TSNAX: variants seen among roughly 807,000 people sequenced by gnomAD.
TSNAX encodes translin-associated protein X.
TSNAX carries 12 observed loss-of-function variants against 33.0 expected under a neutral mutation model. The ratio of observed to expected loss-of-function variants is 0.36; its 90% confidence interval spans 0.23 to 0.59. TSNAX has a LOEUF of 0.59. Ranked by LOEUF, TSNAX falls within the 20% of genes least tolerant of loss-of-function variation. The pLI, the probability that TSNAX is intolerant of heterozygous loss-of-function variation, is 0.74. For synonymous variants in TSNAX, 110 were observed against 117.2 expected, an observed-to-expected ratio of 0.94 and a Z score of 0.40; for missense variants, 267 against 341.3, an observed-to-expected ratio of 0.78 and a Z score of 1.72.
At chr1:231,554,980 A>G (rs752654998) in intron 4 of TSNAX, among the ~76,000 whole-genome samples, 3 of 152,236 alleles carry the variant, frequency 2.0e-5, no homozygotes, top group Admixed American at 6.5e-5. Context: ...TTCCAGATCC[A>G]TACTCTTAAC....
intron 4 of TSNAX, among the ~76,000 whole-genome samples, chr1:231,556,742 G>A (rs1660721619): frequency 6.6e-6 from 1 of 152,140 alleles, no homozygotes; most frequent in South Asian, 2.1e-4. Context: ...AGTTGTGTTT[G>A]ATTCTGACCA....
At chr1:231,529,946 G>A (rs1216606034) in intron 2 of TSNAX, among the ~76,000 whole-genome samples, 2 of 152,206 alleles carry the variant, frequency 1.3e-5, no homozygotes, top group Non-Finnish European at 2.9e-5. Context: ...TAAGGAATCT[G>A]GGAAGGGCTT....
intron 2 of TSNAX, chr1:231,536,183 A>C (rs1659158923): frequency 6.6e-6 from 1 of 152,222 alleles, no homozygotes; most frequent in Non-Finnish European, 1.5e-5. Context: ...TTTATGATCT[A>C]GTTCTCTAGT....
intron 3 of TSNAX, among the ~76,000 whole-genome samples, chr1:231,540,937 TG>T (rs1377013752): frequency 6.6e-6 from 1 of 152,246 alleles, no homozygotes; most frequent in Non-Finnish European, 1.5e-5. Context: ...CTGTTTCGTT[TG>T]ATTGTTATTA....
In TSNAX at chr1:231,565,803, G is replaced by C. The variant is rs1470147911; in HGVS notation, c.*898G>C. ...AAATTCGCATTCTGGCTGATTTTAA[G>C]CCATTTAAAATTTATATAAAACAAC... On this transcript the variant is annotated 3_prime_UTR_variant, in exon 6 of 6. Coordinates refer to ENST00000366639, the MANE Select transcript of TSNAX (RefSeq NM_005999.3). The C allele has an allele frequency of 1.3e-5, 2 of 152,068 alleles. No individual in the cohort carries two copies. The highest frequency in any genetic ancestry group is 2.9e-5 in the Non-Finnish European group (2 of 68,008). The allele number at this position is 152,068 out of a possible 1,614,324, so 9.4% of individuals were successfully genotyped here. A position where few individuals can be genotyped will look rare whatever the true frequency, so the allele number is the denominator to read the frequency against.
At position 231,565,423 on chromosome 1, in the gene TSNAX, T is replaced by C. The variant is rs1487326977; in HGVS notation, c.*518T>C. ...ATTAAAAATGAATAAGCTATCAATA[T>C]ATAATTTAAGTACAAGTTTAGGCTG... is the stretch of plus-strand genomic sequence containing the variant. On this transcript the variant is annotated 3_prime_UTR_variant, in exon 6 of 6. Coordinates refer to ENST00000366639, the MANE Select transcript of TSNAX (RefSeq NM_005999.3). The C allele has an allele frequency of 6.5e-6, 1 of 152,766 alleles. No individual in the cohort carries two copies. Among genetic ancestry groups the C allele is most frequent in the Non-Finnish European group, 1.5e-5 (1 of 68,510 alleles). The allele number at this position is 152,766 out of a possible 1,614,324, so 9.5% of individuals were successfully genotyped here.
intron 4 of TSNAX, among the ~76,000 whole-genome samples, chr1:231,551,232 G>C (rs1660272596): frequency 6.6e-6 from 1 of 152,264 alleles, no homozygotes; most frequent in East Asian, 1.9e-4. Flanking sequence ...TTTGGTATTA[G>C]GAAAGTCAGT....
chr1:231,529,596 A>G (rs564575722), intron 2 of TSNAX, among the ~76,000 whole-genome samples: 1 of 151,804 alleles, frequency 6.6e-6, no homozygotes, highest in East Asian at 1.9e-4. Context: ...GTAAACATTA[A>G]TTAATATTTG....
At chr1:231,543,036 G>A (rs1241753522) in intron 4 of TSNAX, among the ~76,000 whole-genome samples, 2 of 151,974 alleles carry the variant, frequency 1.3e-5, no homozygotes, top group Admixed American at 6.6e-5. Flanking sequence ...AACTTAGCCA[G>A]GTGCGTTGGC....
intron 3 of TSNAX, among the ~76,000 whole-genome samples, chr1:231,538,008 T>C (rs566225324): frequency 1.3e-5 from 2 of 152,350 alleles, no homozygotes; most frequent in Non-Finnish European, 2.9e-5. Context: ...TCTGGCTTTC[T>C]GCCTCACAAT....
chr1:231,531,907 C>T (rs1192108291), intron 2 of TSNAX, among the ~76,000 whole-genome samples: 1 of 151,838 alleles, frequency 6.6e-6, no homozygotes, highest in Non-Finnish European at 1.5e-5. Flanking sequence ...GTTTTTACCA[C>T]AATTAGCTGG....
intron 4 of TSNAX, 168 bp downstream of exon 4, chr1:231,542,779 T>TGG: frequency 1.4e-6 from 1 of 724,648 alleles, no homozygotes; most frequent in Non-Finnish European, 2.2e-6. Context: ...AAGTTGGCTT[T>TGG]ATGTTTTTTT....
rs1217159161 is a variant in TSNAX, at chr1:231,566,243, A to G, written c.*1338A>G. 1.3e-5 allele frequency: 2 copies of G among 152,590 alleles called. No homozygotes were observed. Among genetic ancestry groups the G allele is most frequent in the East Asian group, 1.9e-4 (1 of 5,198 alleles). The allele number at this position is 152,590 out of a possible 1,614,324, so 9.5% of individuals were successfully genotyped here. On this transcript the variant is annotated 3_prime_UTR_variant, in exon 6 of 6. Coordinates refer to ENST00000366639, the MANE Select transcript of TSNAX (RefSeq NM_005999.3). ...AAGATGTATTATGAACAATTCAGCA[A>G]TAAGACAATTGTCAACACAGTTGAG...
Position 231,561,178 on chromosome 1 carries a change from C to A in TSNAX, c.418C>A (p.Arg140=). 1.2e-6 allele frequency: 2 copies of A among 1,608,076 alleles called. No homozygotes were observed. Among genetic ancestry groups the A allele is most frequent in the Non-Finnish European group, 1.7e-6 (2 of 1,176,248 alleles). ...AVSFQHFIKT[R]SLISMDEINK... ...CTCTTTTCAACACTTCATCAAAACA[C>A]GATCATTAATTAGTATGGATGAAAT... Residue 140 remains arginine (R), a synonymous_variant, in exon 5 of 6, where the codon CGA becomes AGA. Transcript: ENST00000366639.
intron 4 of TSNAX, among the ~76,000 whole-genome samples, chr1:231,558,701 T>A (rs1043171047): frequency 2.6e-5 from 4 of 152,022 alleles, no homozygotes; most frequent in Non-Finnish European, 5.9e-5. Flanking sequence ...AAATAGAGAT[T>A]TTCTTTGGGG....
At chr1:231,546,387 T>G (rs1305729509) in intron 4 of TSNAX, among the ~76,000 whole-genome samples, 3 of 152,206 alleles carry the variant, frequency 2.0e-5, no homozygotes, top group African/African-American at 7.2e-5. Context: ...TTAGACATAC[T>G]AGCAGGAATA....
chr1:231,530,980 CAG>C (rs1291531965), intron 2 of TSNAX, among the ~76,000 whole-genome samples: 9 of 146,506 alleles, frequency 6.1e-5, no homozygotes, highest in South Asian at 4.3e-4. Flanking sequence ...TTTTTTGAGA[CAG>C]AGTCTCTGTC....
At chr1:231,550,487 C>T (rs899157752) in intron 4 of TSNAX, among the ~76,000 whole-genome samples, 6 of 152,110 alleles carry the variant, frequency 3.9e-5, no homozygotes, top group Admixed American at 2.6e-4. Flanking sequence ...TCTCAGGCTG[C>T]GTTTATAATC....
At chr1:231,560,404 T>TTC (rs1661000992) in intron 4 of TSNAX, among the ~76,000 whole-genome samples, 4 of 76,970 alleles carry the variant, frequency 5.2e-5, no homozygotes, top group Non-Finnish European at 1.0e-4. Context: ...GCTTTTCTTT[T>TTC]CTCCCCCCCC....
Sources: gnomAD v4.1 joint callset for allele counts (sites outside exome capture counted in the v4.1 genomes callset) on GRCh38, gnomAD v4.1.1 for gene constraint, MANE v1.5 for transcripts, NCBI Gene and HGNC (gene_info 2026-07-23, HGNC 2026-07-21) for gene names.